EVA1C: variants seen among roughly 807,000 people sequenced by gnomAD.
EVA1C encodes protein eva-1 homolog C.
In EVA1C, 25 loss-of-function variants were observed where a neutral mutation model predicts 45.4. The observed-to-expected ratio is 0.55, with a 90% CI of 0.40 to 0.77. The LOEUF (loss-of-function observed/expected upper bound fraction) is 0.77, where lower values mean the gene tolerates loss of function less well. Ranked by LOEUF, EVA1C falls within the 30% of genes least tolerant of loss-of-function variation. The pLI is 0.00. For missense variants in EVA1C, 479 were observed against 554.8 expected (o/e 0.86, Z 1.37); for synonymous variants, 190 against 221.2 (o/e 0.86, Z 1.25).
intron 7 of EVA1C, among the ~76,000 whole-genome samples, chr21:32,506,102 C>G (rs16989436): frequency 6.6e-6 from 1 of 151,740 alleles, no homozygotes; most frequent in African/African-American, 2.4e-5. Context: ...ATTAGCTTTC[C>G]TCCATCTCTT....
intron 1 of EVA1C, among the ~76,000 whole-genome samples, chr21:32,416,372 A>T: frequency 7.5e-6 from 1 of 133,282 alleles, no homozygotes; most frequent in African/African-American, 2.8e-5. Context: ...TCTGTTGCCC[A>T]GGCTGGAGTG....
intron 2 of EVA1C, among the ~76,000 whole-genome samples, chr21:32,456,018 G>A (rs577518396): frequency 1.9e-4 from 29 of 152,096 alleles, no homozygotes; most frequent in African/African-American, 4.1e-4. Flanking sequence ...TCAGCCTCCC[G>A]AGTAGCTGGG....
intron 1 of EVA1C, among the ~76,000 whole-genome samples, chr21:32,445,706 G>C (rs2035338995): frequency 6.6e-6 from 1 of 152,140 alleles, no homozygotes; most frequent in Non-Finnish European, 1.5e-5. Context: ...CACTCTTAGG[G>C]GTTCATGTCG....
chr21:32,513,312 G>A (rs940788660), intron 7 of EVA1C, among the ~76,000 whole-genome samples: 6 of 147,944 alleles, frequency 4.1e-5, no homozygotes, highest in African/African-American at 1.5e-4. Context: ...GAGTAGCTGC[G>A]ACTACAGGCG....
rs547172151 is a variant in EVA1C at position 32,463,587 on chromosome 21, G to C, written c.482-4109G>C. On this transcript the variant is annotated intron_variant, in intron 3 of 7. Transcript: ENST00000300255. ...CAGGAGATGGTTTGCCCATAATCTG[G>C]GGACGAAATCGCTGGAGGCCTTGCA... 2.0e-5 allele frequency among the ~76,000 whole-genome samples: 3 copies of C among 152,280 alleles called. No individual in the cohort carries two copies. In the South Asian group the frequency reaches 6.2e-4, roughly 32 times the overall value.
intron 4 of EVA1C, among the ~76,000 whole-genome samples, chr21:32,476,686 A>G (rs1351505019): frequency 3.9e-5 from 6 of 151,950 alleles, no homozygotes; most frequent in African/African-American, 1.2e-4. Flanking sequence ...GAGGGTGGAG[A>G]AGTAGGGGCA....
At chr21:32,427,085 C>T (rs551342472) in intron 1 of EVA1C, among the ~76,000 whole-genome samples, 1 of 152,250 alleles carries the variant, frequency 6.6e-6, no homozygotes, top group Non-Finnish European at 1.5e-5. Flanking sequence ...AGGGCATTTT[C>T]TCATTCCTGC....
At chr21:32,494,479 T>G (rs1308494708) in intron 4 of EVA1C, among the ~76,000 whole-genome samples, 1 of 152,212 alleles carries the variant, frequency 6.6e-6, no homozygotes, top group Non-Finnish European at 1.5e-5. Context: ...AAGCCCCTTG[T>G]TCAAAAATAT....
chr21:32,465,666 T>A (rs374409187), intron 3 of EVA1C, among the ~76,000 whole-genome samples: 44 of 152,064 alleles, frequency 2.9e-4, no homozygotes, highest in African/African-American at 1.1e-3. Flanking sequence ...CCTGGCTAAT[T>A]TTTGTAGTTT....
intron 1 of EVA1C, 165 bp from the exon 2 acceptor site, chr21:32,453,147 G>A (rs1279453468): frequency 1.9e-6 from 1 of 529,128 alleles, no homozygotes; most frequent in Admixed American, 3.1e-5. Flanking sequence ...CCCACCTCTG[G>A]GCCTGGTTTG....
At chr21:32,501,568 G>A (rs1319135203) in intron 6 of EVA1C, 73 bp downstream of exon 6, 7 of 1,568,116 alleles carry the variant, frequency 4.5e-6, no homozygotes, top group Non-Finnish European at 6.0e-6. Context: ...CCACAGTTGG[G>A]CACACCTTGG....
intron 5 of EVA1C, among the ~76,000 whole-genome samples, chr21:32,496,241 G>A (rs993399942): frequency 6.6e-6 from 1 of 152,132 alleles, no homozygotes; most frequent in African/African-American, 2.4e-5. Context: ...TCCTAGAAAT[G>A]GAATCATACA....
Position 32,412,955 on chromosome 21 carries a change from CT to C in EVA1C, c.104del (p.Phe35SerfsTer22). 1 of 1,561,156 alleles carries C rather than the reference CT, an allele frequency of 6.4e-7. No individual in the cohort carries two copies. The highest frequency in any genetic ancestry group is 8.7e-7 in the Non-Finnish European group (1 of 1,156,018). On this transcript the variant is annotated frameshift_variant, in exon 1 of 8. Transcript: ENST00000300255. LOFTEE classifies it high-confidence loss of function. ...VEPPGQLLRLFYCTVLVCSKE... is the reference protein window; with the variant it reads ...VEPPGQLLRLXYCTVLVCSKE... ...AGCCGCCGGGGCAGCTCCTGCGCCTCTTCTACTGCACTGTCCTGGTCTGCTC... is the reference window on the plus strand; with the variant it reads ...AGCCGCCGGGGCAGCTCCTGCGCCTCTCTACTGCACTGTCCTGGTCTGCTC...
At chr21:32,426,474 C>T (rs1159337297) in intron 1 of EVA1C, among the ~76,000 whole-genome samples, 4 of 151,976 alleles carry the variant, frequency 2.6e-5, no homozygotes, top group Non-Finnish European at 5.9e-5. Context: ...TCCTCCTTCC[C>T]TGTGTTCCTG....
intron 5 of EVA1C, among the ~76,000 whole-genome samples, chr21:32,501,075 A>T (rs2037513697): frequency 6.6e-6 from 1 of 152,166 alleles, no homozygotes; most frequent in Non-Finnish European, 1.5e-5. Context: ...GACCTCCCGA[A>T]GTGCTAGGAT....
rs1188249564 is a variant in EVA1C at position 32,492,708 on chromosome 21, TG to T, written c.635-2318del. On this transcript the variant is annotated intron_variant, in intron 4 of 7. Transcript: ENST00000300255. ...CCTCAAATGCAGGACAGTTTTCTTTTGTTTTTTTTTTTAATGACTTTATGAT... is the reference window on the plus strand; with the variant it reads ...CCTCAAATGCAGGACAGTTTTCTTTTTTTTTTTTTTTAATGACTTTATGAT... Among the ~76,000 whole-genome samples, 718 of 106,364 alleles carry T rather than the reference TG, an allele frequency of 6.8e-3. 1 individual carries two copies. Among genetic ancestry groups the T allele is most frequent in the African/African-American group, 0.026 (686 of 26,754 alleles). The allele number at this position is 106,364 out of a possible 152,430, so 69.8% of individuals were successfully genotyped here.
At chr21:32,419,565 A>T (rs56253570) in intron 1 of EVA1C, among the ~76,000 whole-genome samples, 15,457 of 152,172 alleles carry the variant, frequency 0.1, 907 homozygotes, top group Middle Eastern at 0.22. Flanking sequence ...AAATACAAAA[A>T]TTAGCTGGGC....
At chr21:32,494,123 T>C (rs2037261918) in intron 4 of EVA1C, among the ~76,000 whole-genome samples, 1 of 152,180 alleles carries the variant, frequency 6.6e-6, no homozygotes, top group South Asian at 2.1e-4. Flanking sequence ...TTTTTTCTGA[T>C]GGTACTTAGC....
chr21:32,504,115 C>T (rs1043288070), intron 7 of EVA1C, 100 bp downstream of exon 7: 22 of 823,872 alleles, frequency 2.7e-5, no homozygotes, highest in Non-Finnish European at 3.5e-5. Flanking sequence ...AACTAAAGGA[C>T]GATGACTTCA....
Sources: gnomAD v4.1 joint callset for allele counts (sites outside exome capture counted in the v4.1 genomes callset) on GRCh38, gnomAD v4.1.1 for gene constraint, MANE v1.5 for transcripts, NCBI Gene and HGNC (gene_info 2026-07-23, HGNC 2026-07-21) for gene names.